Variants in DHX40 observed in about 807,000 individuals in gnomAD.
DHX40 encodes the protein probable ATP-dependent RNA helicase DHX40.
Under a neutral mutation model 89.6 loss-of-function variants are expected in DHX40, and 28 were observed. That is an observed-to-expected ratio of 0.31 (90% CI 0.23 to 0.43). The LOEUF (loss-of-function observed/expected upper bound fraction) is 0.43, where lower values mean the gene tolerates loss of function less well. Ranked by LOEUF, DHX40 falls within the 20% of genes least tolerant of loss-of-function variation. The pLI, the probability that DHX40 is intolerant of heterozygous loss-of-function variation, is 1.00. For missense variants in DHX40, 457 were observed against 844.0 expected (o/e 0.54, Z 5.68); for synonymous variants, 226 against 283.6 (o/e 0.80, Z 2.04).
intron 4 of DHX40, 120 bp from the exon 5 acceptor site, chr17:59,573,620 G>A (rs2048841045): frequency 8.6e-7 from 1 of 1,162,420 alleles, no homozygotes; most frequent in Non-Finnish European, 1.2e-6. Flanking sequence ...ACTGCACCTG[G>A]CTCCTACTTA....
chr17:59,566,903 C>T (rs1017195351), intron 2 of DHX40, 109 bp downstream of exon 2: 3 of 961,524 alleles, frequency 3.1e-6, no homozygotes, highest in African/African-American at 1.7e-5. Context: ...TTTATAGTCC[C>T]GCTTCTCTTG....
chr17:59,605,781 G>T, intron 17 of DHX40, 107 bp downstream of exon 17: 1 of 1,038,888 alleles, frequency 9.6e-7, no homozygotes, highest in Non-Finnish European at 1.5e-6. Flanking sequence ...GGGCAATGTG[G>T]TGAGATCCCA....
Position 59,565,631 on chromosome 17 carries a change from C to T in DHX40, c.-41C>T. 6.4e-7 allele frequency: 1 copy of T among 1,566,290 alleles called. No homozygotes were observed. The highest frequency in any genetic ancestry group is 8.7e-7 in the Non-Finnish European group (1 of 1,155,724). ...CCTCGTCTTTCCCCTCCCATCTCCTCAGATCGGTGGACGTGCTCGCCTCCA... is the reference window on the plus strand; with the variant it reads ...CCTCGTCTTTCCCCTCCCATCTCCTTAGATCGGTGGACGTGCTCGCCTCCA... On this transcript the variant is annotated 5_prime_UTR_variant, in exon 1 of 18. Transcript: ENST00000251241.
At position 59,570,546 on chromosome 17, in the gene DHX40, A is replaced by G. The variant is rs766189057; in HGVS notation, c.309A>G (p.Val103=). 1.2e-6 allele frequency: 2 copies of G among 1,606,930 alleles called. No homozygotes were observed. The highest frequency in any genetic ancestry group is 1.7e-5 in the Admixed American group (1 of 59,034). Reference sequence around the variant, plus strand: ...TTTCACAACATGGTATGATTGGTGTAACTCAACCACGAAAAGTAGCTGCTA... The same window carrying G: ...TTTCACAACATGGTATGATTGGTGTGACTCAACCACGAAAAGTAGCTGCTA... ...AGFSQHGMIG[V]TQPRKVAAIS... is the part of the protein sequence containing the mutation. Residue 103 remains valine, a synonymous_variant, in exon 3 of 18, where the codon GTA becomes GTG. Coordinates refer to ENST00000251241, the MANE Select transcript of DHX40 (RefSeq NM_024612.5).
intron 12 of DHX40, among the ~76,000 whole-genome samples, chr17:59,596,202 A>G (rs976588433): frequency 6.6e-6 from 1 of 152,120 alleles, no homozygotes; most frequent in South Asian, 2.1e-4. Context: ...GTCTAGGGCA[A>G]TTTGACTTTT....
intron 2 of DHX40, among the ~76,000 whole-genome samples, chr17:59,568,183 G>A (rs937061747): frequency 2.6e-5 from 4 of 152,274 alleles, no homozygotes; most frequent in Non-Finnish European, 4.4e-5. Context: ...AGCTGAGACC[G>A]TGCTGTTGCA....
At chr17:59,592,137 C>T (rs1392104892) in intron 12 of DHX40, among the ~76,000 whole-genome samples, 2 of 151,638 alleles carry the variant, frequency 1.3e-5, no homozygotes, top group Non-Finnish European at 2.9e-5. Context: ...TCCCAAAGTG[C>T]TGGGTTTACA....
At chr17:59,587,874 C>A (rs1422192313) in intron 11 of DHX40, 22 bp from the exon 12 acceptor site, 4 of 1,596,554 alleles carry the variant, frequency 2.5e-6, no homozygotes, top group Admixed American at 1.7e-5. Context: ...GAAAGACTTA[C>A]AAACTTTTTC....
chr17:59,604,359 C>A (rs1398225233), intron 15 of DHX40: 2 of 151,870 alleles, frequency 1.3e-5, no homozygotes, highest in African/African-American at 4.8e-5. Context: ...TCTTGGTTAC[C>A]CTCTGTATGC....
rs1323974322 is a variant in DHX40, at chr17:59,580,976, G to A, written c.1343+1097G>A. 4.0e-4 allele frequency among the ~76,000 whole-genome samples: 60 copies of A among 150,378 alleles called. 5 individuals carry two copies. Among genetic ancestry groups the A allele is most frequent in the African/African-American group, 1.3e-3 (53 of 40,388 alleles). On this transcript the variant is annotated intron_variant, in intron 10 of 17. Transcript: ENST00000251241. ...ACGTGATTGTAGTCCCAGCTACTCC[G>A]GAGGCTGAAGCACGAGAATCACTTG...
At chr17:59,595,028 C>A in intron 12 of DHX40, among the ~76,000 whole-genome samples, 1 of 152,104 alleles carries the variant, frequency 6.6e-6, no homozygotes, top group Non-Finnish European at 1.5e-5. Flanking sequence ...GTACAGTTGA[C>A]CCTTGAACAC....
At chr17:59,577,074 T>G (rs1175712545) in intron 7 of DHX40, 192 bp from the exon 8 acceptor site, 1 of 619,820 alleles carries the variant, frequency 1.6e-6, no homozygotes, top group Middle Eastern at 2.6e-4. Context: ...TCTCACCATG[T>G]TAGCCAGGAT....
intron 15 of DHX40, among the ~76,000 whole-genome samples, chr17:59,603,059 G>C (rs1364665769): frequency 6.6e-6 from 1 of 152,020 alleles, no homozygotes; most frequent in East Asian, 1.9e-4. Context: ...TATAGAGAAA[G>C]GGGTAACAGT....
At chr17:59,570,140 T>C (rs1489951277) in intron 2 of DHX40, among the ~76,000 whole-genome samples, 2 of 126,796 alleles carry the variant, frequency 1.6e-5, no homozygotes, top group Non-Finnish European at 3.1e-5. Context: ...ATATAATATA[T>C]TATAAATTAT....
chr17:59,573,443 T>C (rs2531903), intron 4 of DHX40, among the ~76,000 whole-genome samples: 307 of 152,120 alleles, frequency 2.0e-3, no homozygotes, highest in Non-Finnish European at 2.4e-3. Context: ...GATCCTCCCA[T>C]CTCAACCTCC....
intron 15 of DHX40, 23 bp downstream of exon 15, chr17:59,602,639 A>C (rs1291429684): frequency 6.4e-7 from 1 of 1,571,408 alleles, no homozygotes; most frequent in South Asian, 1.1e-5. Context: ...GACTTGAGAG[A>C]TGGATCAAGA....
rs995339420 is a variant in DHX40 at position 59,587,833 on chromosome 17, A to G, written c.1425-63A>G. The G allele has an allele frequency of 9.8e-6, 15 of 1,537,474 alleles. No homozygotes were observed. The African/African-American group carries it at 1.9e-4, about 20-fold the overall frequency. On this transcript the variant is annotated intron_variant, in intron 11 of 17. Transcript: ENST00000251241. ...AATTATATCTGATTTATTCTGAATG[A>G]TGAATGTTACATTTGTACTCTCCTA...
chr17:59,594,815 C>T (rs1378357730), intron 12 of DHX40, among the ~76,000 whole-genome samples: 2 of 151,738 alleles, frequency 1.3e-5, no homozygotes, highest in African/African-American at 2.4e-5. Flanking sequence ...TGAAGGCTCT[C>T]GCATAGCCCT....
At chr17:59,591,926 T>C (rs2049089272) in intron 12 of DHX40, among the ~76,000 whole-genome samples, 1 of 151,906 alleles carries the variant, frequency 6.6e-6, no homozygotes. Context: ...AGTAGTGCAG[T>C]GGTGGGATCA....
Sources: gnomAD v4.1 joint callset for allele counts (sites outside exome capture counted in the v4.1 genomes callset) on GRCh38, gnomAD v4.1.1 for gene constraint, MANE v1.5 for transcripts, NCBI Gene and HGNC (gene_info 2026-07-23, HGNC 2026-07-21) for gene names.